DSP: variants seen among roughly 807,000 people sequenced by gnomAD.
The protein encoded by DSP is desmoplakin.
DSP carries 114 observed loss-of-function variants against 290.6 expected under a neutral mutation model. The observed-to-expected ratio is 0.39, with a 90% confidence interval of 0.34 to 0.46. The LOEUF is 0.46. DSP is among the 20% of genes least tolerant of loss of function. The probability of loss-of-function intolerance (pLI) is 0.99; values close to 1 mark genes in which losing one functional copy is unlikely to be tolerated. For synonymous variants in DSP, 1,311 were observed against 1,316.4 expected, an observed-to-expected ratio of 1.00 and a Z score of 0.09; for missense variants, 3,230 against 3,495.8, an observed-to-expected ratio of 0.92 and a Z score of 1.92.
chr6:7,562,742 G>A lies in DSP; in HGVS notation c.688G>A (p.Asp230Asn), dbSNP rs147315869. ...SHRGIHNSIG[D>N]YRWQLDKIKA... ...CCGGGGCATCCACAACTCCATCGGC[G>A]ACTATCGCTGGCAGCTGGACAAAAT... The change falls in exon 5 of 24, where the codon GAC (aspartate) becomes AAC (asparagine). Residue 230 changes from aspartate to asparagine, a missense_variant. Asp to Asn is a conservative substitution (Grantham distance 23, BLOSUM62 1). Transcript: ENST00000379802. The A allele has an allele frequency of 3.0e-4, 482 of 1,614,036 alleles. 3 individuals are homozygous for A. Among genetic ancestry groups the A allele is most frequent in the African/African-American group, 6.7e-5 (5 of 74,936 alleles).
rs768837509 is a variant in DSP, at chr6:7,584,301, A to G, written c.7039A>G (p.Ile2347Val). 26 of 1,614,082 alleles carry G rather than the reference A, an allele frequency of 1.6e-5. No homozygotes were observed. The highest frequency in any genetic ancestry group is 1.6e-4 in the Middle Eastern group (1 of 6,082). Residue 2347 changes from isoleucine to valine, a missense_variant, in exon 24 of 24, where the codon ATC becomes GTC. Ile to Val is a conservative substitution (Grantham distance 29, BLOSUM62 3). This residue lies in a region of DSP where 207 missense variants were observed against 281.2 expected (regional missense o/e 0.74). Coordinates refer to ENST00000379802, the MANE Select transcript of DSP (RefSeq NM_004415.4). The surrounding 1 kb of genome is among the most constrained non-coding windows in gnomAD (Gnocchi z 6.4). Reference protein sequence around the residue: ...TGYNDPETGNIISLFQAMNKE... With the variant: ...TGYNDPETGNVISLFQAMNKE... ...GTATAATGATCCTGAAACAGGAAACATCATCTCTTTGTTCCAAGCCATGAA... is the reference window on the plus strand; with the variant it reads ...GTATAATGATCCTGAAACAGGAAACGTCATCTCTTTGTTCCAAGCCATGAA...
In DSP at chr6:7,581,184, G is replaced by C. The variant is rs1290867734; in HGVS notation, c.4994G>C (p.Arg1665Thr). Residue 1665 changes from arginine (R) to threonine (T), a missense_variant, in exon 23 of 24, where the codon AGG (arginine) becomes ACG (threonine). Arg to Thr is a moderately conservative substitution (Grantham distance 71). Coordinates refer to ENST00000379802, the MANE Select transcript of DSP (RefSeq NM_004415.4). ...CTCTCTTCTGAGGTCGAGGCCCTGA[G>C]GCGGCAGTTACTCCAGGAACAGGAA... ...RRLSSEVEAL[R>T]RQLLQEQESV... The C allele has an allele frequency of 2.5e-6, 4 of 1,614,200 alleles. No individual in the cohort carries two copies. Among genetic ancestry groups the C allele is most frequent in the African/African-American group, 2.7e-5 (2 of 75,064 alleles).
chr6:7,567,931 A>C, intron 10 of DSP, 25 bp downstream of exon 10: 1 of 1,612,140 alleles, frequency 6.2e-7, no homozygotes, highest in Non-Finnish European at 8.5e-7. Context: ...CCAGAACCTC[A>C]GCAGCTGTGC....
Position 7,567,773 on chromosome 6 carries a change from C to T in DSP, c.1141-8C>T, listed in dbSNP as rs1758907949. ...TGTTCATTCACTGATCACTCTCATC[C>T]TTCACAGTTTTTTGAAGAGGCGCAG... On this transcript the variant is annotated splice_region_variant and splice_polypyrimidine_tract_variant and intron_variant, in intron 9 of 23. Coordinates refer to ENST00000379802, the MANE Select transcript of DSP (RefSeq NM_004415.4). 5 of 1,613,790 alleles carry T rather than the reference C, an allele frequency of 3.1e-6. No homozygotes were observed. Among genetic ancestry groups the T allele is most frequent in the Non-Finnish European group, 4.2e-6 (5 of 1,179,880 alleles).
Position 7,541,769 on chromosome 6 carries a change from A to C in DSP, c.-147A>C. ...GCTCGCAGCGGCCTCGGGAGGGCCC[A>C]GGTAGCGAGCAGCGACCTCGCGAGC... On this transcript the variant is annotated 5_prime_UTR_variant, in exon 1 of 24. Coordinates refer to ENST00000379802, the MANE Select transcript of DSP (RefSeq NM_004415.4). 3 of 1,029,330 alleles carry C rather than the reference A, an allele frequency of 2.9e-6. No individual in the cohort carries two copies. Among genetic ancestry groups the C allele is most frequent in the Non-Finnish European group, 4.1e-6 (3 of 734,838 alleles). 63.8% of individuals were successfully genotyped at this position (1,029,330 alleles called of 1,614,324 possible).
rs1064793890 is a variant in DSP, at chr6:7,585,276, C to G, written c.8014C>G (p.Gln2672Glu). 19 of 1,614,196 alleles carry G rather than the reference C, an allele frequency of 1.2e-5. No individual in the cohort carries two copies. The highest frequency in any genetic ancestry group is 5.3e-5 in the African/African-American group (4 of 75,064). ...AACCACGGGCCAGAAGCTGTCACTT[C>G]AGGACGCAGTCTCCCAGGGTGTGAT... ...HPTTGQKLSL[Q>E]DAVSQGVIDQ... is the part of the protein sequence containing the mutation. Residue 2672 changes from glutamine (Q) to glutamate (E), a missense_variant, in exon 24 of 24, where the codon CAG becomes GAG. Coordinates refer to ENST00000379802, the MANE Select transcript of DSP (RefSeq NM_004415.4).
chr6:7,584,633 A>G lies in DSP; in HGVS notation c.7371A>G (p.Gln2457=), dbSNP rs1759568778. Residue 2457 remains glutamine, a synonymous_variant, in exon 24 of 24, where the codon CAA becomes CAG. Transcript: ENST00000379802. This position sits in a 1 kb window ranked among gnomAD's most constrained non-coding sequence, Gnocchi z 6.4. ...AGAAGAAACAGGTGCAGACATCACA[A>G]AAGAATACCCTCAGGAAGCGTAGAG... is the stretch of plus-strand genomic sequence containing the variant. The part of the protein sequence containing the change: ...KEKKKQVQTS[Q]KNTLRKRRVV... 6.2e-7 allele frequency: 1 copy of G among 1,614,040 alleles called. No homozygotes were observed. Among genetic ancestry groups the G allele is most frequent in the South Asian group, 1.1e-5 (1 of 91,086 alleles).
rs187435410 is a variant in DSP at position 7,543,242 on chromosome 6, G to A, written c.170+1157G>A. ...GCCGGGACGTTATTTACCAGGCGTTGTGGCCCTAGGCCTGGGAGGAGCAAC... is the reference window on the plus strand; with the variant it reads ...GCCGGGACGTTATTTACCAGGCGTTATGGCCCTAGGCCTGGGAGGAGCAAC... On this transcript the variant is annotated intron_variant, in intron 1 of 23. Transcript: ENST00000379802. Among the ~76,000 whole-genome samples the A allele has an allele frequency of 1.6e-3, 248 of 152,206 alleles. 2 individuals are homozygous for A. The highest frequency in any genetic ancestry group is 5.6e-3 in the African/African-American group (234 of 41,534).
chr6:7,576,944 T>A lies in DSP; in HGVS notation c.2794-15T>A. On this transcript the variant is annotated splice_polypyrimidine_tract_variant and intron_variant, in intron 19 of 23. Transcript: ENST00000379802. ...GTATGCATTAACATTGGTAAATATTTCACTTTTTGTATAGAACTTGCACAG... is the reference window on the plus strand; with the variant it reads ...GTATGCATTAACATTGGTAAATATTACACTTTTTGTATAGAACTTGCACAG... 1 of 1,608,962 alleles carries A rather than the reference T, an allele frequency of 6.2e-7. No individual in the cohort carries two copies. Among genetic ancestry groups the A allele is most frequent in the South Asian group, 1.1e-5 (1 of 90,730 alleles).
chr6:7,583,750 A>G lies in DSP; in HGVS notation c.6488A>G (p.Asn2163Ser). Reference sequence around the variant, plus strand: ...GATAGAGATTTGTATCGATCCCTGAATGATCCCCGAGATAGTCAGAAAAAC... The same window carrying G: ...GATAGAGATTTGTATCGATCCCTGAGTGATCCCCGAGATAGTCAGAAAAAC... ...LIDRDLYRSL[N>S]DPRDSQKNFV... The change falls in exon 24 of 24, where the codon AAT (asparagine) becomes AGT (serine). Residue 2163 changes from asparagine to serine, a missense_variant. By Grantham distance (46) the Asn-to-Ser change is conservative. Coordinates refer to ENST00000379802, the MANE Select transcript of DSP (RefSeq NM_004415.4). This position sits in a 1 kb window ranked among gnomAD's most constrained non-coding sequence, Gnocchi z 4.0. 4.3e-6 allele frequency: 7 copies of G among 1,614,114 alleles called. No individual in the cohort carries two copies. The highest frequency in any genetic ancestry group is 5.9e-6 in the Non-Finnish European group (7 of 1,180,032).
chr6:7,543,133 C>G (rs1758063145), intron 1 of DSP, among the ~76,000 whole-genome samples: 1 of 152,168 alleles, frequency 6.6e-6, no homozygotes, highest in Admixed American at 6.5e-5. Context: ...CCCACGTGAG[C>G]CGTGCGCGTT....
intron 1 of DSP, among the ~76,000 whole-genome samples, chr6:7,551,484 C>G (rs550459607): frequency 6.6e-6 from 1 of 152,046 alleles, no homozygotes; most frequent in Non-Finnish European, 1.5e-5. Context: ...CAAAAATTAG[C>G]TTTGCGTGGT....
intron 15 of DSP, 118 bp downstream of exon 15, chr6:7,572,186 AGGC>A: frequency 1.1e-6 from 1 of 944,034 alleles, no homozygotes; most frequent in Non-Finnish European, 1.6e-6. Context: ...TCAAGAAAAC[AGGC>A]TTCTGGCAGG....
rs756925801 is a variant in DSP, at chr6:7,585,550, G to GGCTT, written c.8291_8292insTGCT (p.Gln2765AlafsTer23). 1 of 1,614,124 alleles carries GGCTT rather than the reference G, an allele frequency of 6.2e-7. No individual in the cohort carries two copies. Among genetic ancestry groups the GGCTT allele is most frequent in the Admixed American group, 1.7e-5 (1 of 60,018 alleles). On this transcript the variant is annotated frameshift_variant, in exon 24 of 24. Transcript: ENST00000379802. LOFTEE classifies it high-confidence loss of function. ...TTCATAGATGGCCGCGCCGCACAGA[G>GGCTT]GCTGCAAGACACCAGCAGCTATGCC...
rs374226658 is a variant in DSP, at chr6:7,583,403, G to C, written c.6141G>C (p.Met2047Ile). Residue 2047 changes from methionine to isoleucine, a missense_variant, in exon 24 of 24, where the codon ATG becomes ATC. Physicochemically the swap from Met to Ile is conservative, Grantham distance 10. Around this residue, in one of 5 missense-constraint regions of DSP, gnomAD observed 1,714 missense variants for 1,844.5 expected, o/e 0.93. Coordinates refer to ENST00000379802, the MANE Select transcript of DSP (RefSeq NM_004415.4). The surrounding 1 kb of genome is among the most constrained non-coding windows in gnomAD (Gnocchi z 4.0). ...KKLISPESTVMLLEAQAATGG... is the reference protein window; with the variant it reads ...KKLISPESTVILLEAQAATGG... ...TAATCAGCCCAGAATCCACAGTCATGCTTCTGGAGGCCCAGGCAGCTACAG... is the reference window on the plus strand; with the variant it reads ...TAATCAGCCCAGAATCCACAGTCATCCTTCTGGAGGCCCAGGCAGCTACAG... The C allele has an allele frequency of 2.5e-6, 4 of 1,614,050 alleles. No homozygotes were observed. Among genetic ancestry groups the C allele is most frequent in the Non-Finnish European group, 3.4e-6 (4 of 1,180,064 alleles).
rs1412318462 is a variant in DSP at position 7,580,579 on chromosome 6, A to G, written c.4389A>G (p.Val1463=). ...CTCAGATGCGAACAGAGGAGAGCGT[A>G]AGATATAAGCAATCTCTTGATGATG... is the stretch of plus-strand genomic sequence containing the variant. ...QVTQMRTEES[V]RYKQSLDDAA... The change falls in exon 23 of 24, where the codon GTA becomes GTG. Residue 1463 remains valine (V), a synonymous_variant. Coordinates refer to ENST00000379802, the MANE Select transcript of DSP (RefSeq NM_004415.4). This position sits in a 1 kb window ranked among gnomAD's most constrained non-coding sequence, Gnocchi z 4.2. The G allele has an allele frequency of 6.2e-7, 1 of 1,614,178 alleles. No individual in the cohort carries two copies. Among genetic ancestry groups the G allele is most frequent in the South Asian group, 1.1e-5 (1 of 91,086 alleles).
rs201633815 is a variant in DSP at position 7,567,346 on chromosome 6, T to C, written c.1045-8T>C. The stretch of plus-strand genomic sequence containing the variant: ...TAGGCTAAGACAGCTGACATTTTCT[T>C]GTTTCAGGCCTATATGGACACTCTG... On this transcript the variant is annotated splice_polypyrimidine_tract_variant and splice_region_variant and intron_variant, in intron 8 of 23. Transcript: ENST00000379802. 5.3e-5 allele frequency: 86 copies of C among 1,612,920 alleles called. No homozygotes were observed. Among genetic ancestry groups the C allele is most frequent in the Non-Finnish European group, 7.0e-5 (82 of 1,179,174 alleles).
intron 14 of DSP, 50 bp downstream of exon 14, chr6:7,571,634 A>G: frequency 6.2e-7 from 1 of 1,611,314 alleles, no homozygotes. Context: ...TACCATTTTA[A>G]AAAGAAGGGA....
intron 21 of DSP, 102 bp downstream of exon 21, chr6:7,577,988 T>C: frequency 1.1e-6 from 1 of 923,910 alleles, no homozygotes; most frequent in Non-Finnish European, 1.7e-6. Context: ...CCTGCCTGTC[T>C]TCCTTACCAT....
Sources: gnomAD v4.1 joint callset for allele counts (sites outside exome capture counted in the v4.1 genomes callset) on GRCh38, gnomAD v4.1.1 for gene constraint, gnomAD v4.1.1 regional missense constraint, Gnocchi (gnomAD v3.1) non-coding constraint, MANE v1.5 for transcripts, NCBI Gene and HGNC (gene_info 2026-07-23, HGNC 2026-07-21) for gene names.